Variants in SCAMP2 observed in about 807,000 individuals in gnomAD.
SCAMP2 encodes the protein secretory carrier-associated membrane protein 2.
A neutral mutation model predicts 44.1 loss-of-function variants in SCAMP2; 25 were observed. The ratio of observed to expected loss-of-function variants is 0.57; its 90% confidence interval spans 0.41 to 0.79. SCAMP2 has a LOEUF of 0.79. Ranked by LOEUF, SCAMP2 falls within the 30% of genes least tolerant of loss-of-function variation. The probability of loss-of-function intolerance (pLI) is 0.00; values close to 1 mark genes in which losing one functional copy is unlikely to be tolerated. For synonymous variants in SCAMP2, 156 were observed against 166.0 expected (o/e 0.94, Z 0.46); for missense variants, 355 against 411.0 (o/e 0.86, Z 1.18).
In SCAMP2 at chr15:74,845,500, G is replaced by A. The variant is rs767965502; in HGVS notation, c.828C>T (p.Ala276=). 23 of 1,614,036 alleles carry A rather than the reference G, an allele frequency of 1.4e-5. No individual in the cohort carries two copies. Among genetic ancestry groups the A allele is most frequent in the Non-Finnish European group, 1.9e-5 (22 of 1,180,032 alleles). ...MVVAGFFTLC[A]VLSVFLLQRV... ...GCTGCAGGAGGAAGACTGAGAGCAC[G>A]GCACAGAGGGTGAAGAAGCCAGCCA... The change falls in exon 8 of 9, where the codon GCC becomes GCT. Residue 276 remains alanine, a synonymous_variant. Coordinates refer to ENST00000268099, the MANE Select transcript of SCAMP2 (RefSeq NM_005697.5).
At chr15:74,871,706 C>T (rs1170925581) in intron 1 of SCAMP2, among the ~76,000 whole-genome samples, 3 of 151,256 alleles carry the variant, frequency 2.0e-5, no homozygotes, top group Non-Finnish European at 2.9e-5. Context: ...GAGCCGAGAT[C>T]GCGCCACTGC....
chr15:74,861,967 T>C (rs145942410), intron 1 of SCAMP2, among the ~76,000 whole-genome samples: 62 of 146,708 alleles, frequency 4.2e-4, no homozygotes, highest in Non-Finnish European at 7.1e-4. Flanking sequence ...CAATACTAAA[T>C]TATGGGCCAG....
intron 1 of SCAMP2, among the ~76,000 whole-genome samples, chr15:74,862,979 G>C (rs2064518889): frequency 6.6e-6 from 1 of 151,936 alleles, no homozygotes; most frequent in Non-Finnish European, 1.5e-5. Context: ...AGAGGCTGAG[G>C]TGAGAGAATC....
chr15:74,848,410 A>C, intron 7 of SCAMP2, 190 bp downstream of exon 7: 2 of 500,712 alleles, frequency 4.0e-6, no homozygotes, highest in Non-Finnish European at 7.1e-6. Flanking sequence ...AAGGAGAAAA[A>C]AAAAGTGAGT....
rs768429330 is a variant in SCAMP2, at chr15:74,845,214, G to A, written c.859C>T (p.His287Tyr). 9 of 1,612,416 alleles carry A rather than the reference G, an allele frequency of 5.6e-6. No individual in the cohort carries two copies. Among genetic ancestry groups the A allele is most frequent in the South Asian group, 1.1e-5 (1 of 91,030 alleles). Residue 287 changes from histidine to tyrosine, a missense_variant, in exon 9 of 9, where the codon CAC becomes TAC. Physicochemically the swap from His to Tyr is moderately conservative, Grantham distance 83. Coordinates refer to ENST00000268099, the MANE Select transcript of SCAMP2 (RefSeq NM_005697.5). ...GCCCCTGTCCGTCGGTAGAGGGAGT[G>A]CACCTGGCGAAGAGGGGTGGGGTGA... ...VLSVFLLQRV[H>Y]SLYRRTGASF...
At chr15:74,869,887 C>T (rs1050494387) in intron 1 of SCAMP2, among the ~76,000 whole-genome samples, 5 of 152,192 alleles carry the variant, frequency 3.3e-5, no homozygotes, top group African/African-American at 1.2e-4. Flanking sequence ...GTAAATGAAG[C>T]TGGGCTCACA....
intron 2 of SCAMP2, 110 bp from the exon 3 acceptor site, chr15:74,854,229 C>T: frequency 1.0e-6 from 1 of 976,024 alleles, no homozygotes; most frequent in South Asian, 1.4e-5. Context: ...GAGGGGACTC[C>T]CTCGGGGCCT....
intron 1 of SCAMP2, among the ~76,000 whole-genome samples, chr15:74,871,084 TGGAGGTAACA>T (rs1466074725): frequency 6.6e-6 from 1 of 152,202 alleles, no homozygotes; most frequent in Non-Finnish European, 1.5e-5. Context: ...ATAGGAGCTC[TGGAGGTAACA>T]GTTCAGCCCC....
rs181854328 is a variant in SCAMP2, at chr15:74,860,037, G to A, written c.58-5388C>T. On this transcript the variant is annotated intron_variant, in intron 1 of 8. Coordinates refer to ENST00000268099, the MANE Select transcript of SCAMP2 (RefSeq NM_005697.5). ...CCAGCACTTTGGGAGGCTGAGGTGA[G>A]AGGGTTGCTTAAATCCAGTTTGAGA... Among the ~76,000 whole-genome samples, 202 of 152,322 alleles carry A rather than the reference G, an allele frequency of 1.3e-3. 1 individual carries two copies. The highest frequency in any genetic ancestry group is 4.6e-3 in the African/African-American group (192 of 41,580).
chr15:74,861,030 C>T (rs1392978542), intron 1 of SCAMP2, among the ~76,000 whole-genome samples: 1 of 151,846 alleles, frequency 6.6e-6, no homozygotes, highest in Non-Finnish European at 1.5e-5. Flanking sequence ...CAAAAATTAG[C>T]CAGGCATGGT....
chr15:74,866,819 T>C (rs2141181987), intron 1 of SCAMP2, among the ~76,000 whole-genome samples: 1 of 145,506 alleles, frequency 6.9e-6, no homozygotes, highest in East Asian at 2.0e-4. Context: ...TTTTTTGAGA[T>C]GGAGTCTCGC....
chr15:74,856,818 A>G (rs1214101208), intron 1 of SCAMP2, among the ~76,000 whole-genome samples: 1 of 152,064 alleles, frequency 6.6e-6, no homozygotes, highest in Non-Finnish European at 1.5e-5. Context: ...CTGGTTTTGA[A>G]GTCCTAAGCT....
chr15:74,861,158 GA>G (rs2064500692), intron 1 of SCAMP2, among the ~76,000 whole-genome samples: 1 of 152,208 alleles, frequency 6.6e-6, no homozygotes, highest in Admixed American at 6.5e-5. Flanking sequence ...CTGGGCAACA[GA>G]GCGAGACTCA....
chr15:74,869,922 C>T (rs1052255894), intron 1 of SCAMP2, among the ~76,000 whole-genome samples: 3 of 152,192 alleles, frequency 2.0e-5, no homozygotes, highest in African/African-American at 7.2e-5. Flanking sequence ...GGCTACACCT[C>T]CCAACGTCCT....
intron 1 of SCAMP2, among the ~76,000 whole-genome samples, chr15:74,863,253 G>A (rs1229284780): frequency 1.3e-5 from 2 of 151,744 alleles, no homozygotes; most frequent in African/African-American, 2.4e-5. Flanking sequence ...GCTGAGGCAA[G>A]AGAATCACTT....
At position 74,854,060 on chromosome 15, in the gene SCAMP2, A is replaced by G. The variant is rs2064452622; in HGVS notation, c.186T>C (p.Val62=). The G allele has an allele frequency of 6.2e-7, 1 of 1,614,166 alleles. No homozygotes were observed. Among genetic ancestry groups the G allele is most frequent in the Non-Finnish European group, 8.5e-7 (1 of 1,180,008 alleles). The part of the protein sequence containing the change: ...TQLPGSSQPA[V]LQPSVEPTQP... ...GGGTTGGTTCCACTGATGGCTGGAG[A>G]ACCGCTGGCTGTGAGGACCCAGGGA... Residue 62 remains valine (V), a synonymous_variant, in exon 3 of 9, where the codon GTT becomes GTC. Coordinates refer to ENST00000268099, the MANE Select transcript of SCAMP2 (RefSeq NM_005697.5).
intron 1 of SCAMP2, among the ~76,000 whole-genome samples, chr15:74,872,354 A>G (rs2064582235): frequency 6.6e-6 from 1 of 151,626 alleles, no homozygotes; most frequent in Non-Finnish European, 1.5e-5. Context: ...CAGAGGTTGC[A>G]GTGAGCGGAA....
At chr15:74,866,008 AAGG>A (rs1171633972) in intron 1 of SCAMP2, among the ~76,000 whole-genome samples, 2 of 56,814 alleles carry the variant, frequency 3.5e-5, no homozygotes, top group African/African-American at 1.1e-4. Context: ...GGAAGGAAGG[AAGG>A]AAGGAAAGGA....
In SCAMP2 at chr15:74,873,357, A is replaced by T; in HGVS notation, c.-102T>A. On this transcript the variant is annotated 5_prime_UTR_variant, in exon 1 of 9. Transcript: ENST00000268099. The stretch of plus-strand genomic sequence containing the variant: ...GACCCTCCACTTCCGGGAGCGAGGC[A>T]GCGGTTCTGGCGCAGGCGCGATGCC... The T allele has an allele frequency of 3.1e-6, 3 of 959,896 alleles. No individual in the cohort carries two copies. Among genetic ancestry groups the T allele is most frequent in the Non-Finnish European group, 4.1e-6 (3 of 737,274 alleles). The allele number at this position is 959,896 out of a possible 1,614,324, so 59.5% of individuals were successfully genotyped here. A position where few individuals can be genotyped will look rare whatever the true frequency, so the allele number is the denominator to read the frequency against.
Sources: gnomAD v4.1 joint callset for allele counts (sites outside exome capture counted in the v4.1 genomes callset) on GRCh38, gnomAD v4.1.1 for gene constraint, MANE v1.5 for transcripts, NCBI Gene and HGNC (gene_info 2026-07-23, HGNC 2026-07-21) for gene names.